SLC14A2: variants seen among roughly 807,000 people sequenced by gnomAD.
SLC14A2 encodes solute carrier family 14 member 2.
A neutral mutation model predicts 104.6 loss-of-function variants in SLC14A2; 91 were observed. The ratio of observed to expected loss-of-function variants is 0.87; its 90% CI spans 0.73 to 1.04. The LOEUF (loss-of-function observed/expected upper bound fraction) is 1.04. Ranked by LOEUF, SLC14A2 falls within the 50% of genes least tolerant of loss-of-function variation. SLC14A2 has a pLI of 0.00. For missense variants in SLC14A2, 1,189 were observed against 1,156.0 expected, an observed-to-expected ratio of 1.03 and a Z score of -0.41; for synonymous variants, 476 against 466.4, an observed-to-expected ratio of 1.02 and a Z score of -0.27.
intron 2 of SLC14A2, among the ~76,000 whole-genome samples, chr18:45,524,322 T>C (rs533697411): frequency 2.6e-5 from 4 of 152,328 alleles, no homozygotes; most frequent in South Asian, 4.1e-4. Flanking sequence ...TTTGTACTGA[T>C]GAGGTCCTCA....
At chr18:45,254,868 C>T (rs1327244174) in intron 1 of SLC14A2, among the ~76,000 whole-genome samples, 1 of 152,096 alleles carries the variant, frequency 6.6e-6, no homozygotes, top group Non-Finnish European at 1.5e-5. Context: ...CTGGGCTTTG[C>T]CAAACCAGAG....
chr18:45,351,063 AT>A (rs2085498530), intron 1 of SLC14A2, among the ~76,000 whole-genome samples: 1 of 151,618 alleles, frequency 6.6e-6, no homozygotes, highest in Non-Finnish European at 1.5e-5. Flanking sequence ...CTTCTTGATC[AT>A]TTTCTCTATG....
chr18:45,679,021 T>C lies in SLC14A2; in HGVS notation c.2559T>C (p.Ser853=). The C allele has an allele frequency of 1.2e-6, 2 of 1,612,584 alleles. No individual in the cohort carries two copies. ...GTGCTGCCCTGGCTAACATGTTATC[T>C]GTGGTGAGTCAACACAGGCTCAGAA... The part of the protein sequence containing the change: ...YLGAALANML[S]VFGLPPCTWP... Residue 853 remains serine (S), a synonymous_variant, in exon 19 of 20, where the codon TCT becomes TCC. Transcript: ENST00000255226.
chr18:45,420,155 C>T (rs1222003411), intron 1 of SLC14A2, among the ~76,000 whole-genome samples: 2 of 152,214 alleles, frequency 1.3e-5, no homozygotes, highest in Non-Finnish European at 2.9e-5. Context: ...AGCTCACTCA[C>T]ATGGCTGGAA....
chr18:45,367,033 G>A (rs997537790), intron 1 of SLC14A2, among the ~76,000 whole-genome samples: 1 of 152,178 alleles, frequency 6.6e-6, no homozygotes, highest in Non-Finnish European at 1.5e-5. Context: ...TTTAGCTGTG[G>A]GGCAGGCAAC....
chr18:45,555,791 G>A (rs1462507878), intron 2 of SLC14A2, among the ~76,000 whole-genome samples: 1 of 152,192 alleles, frequency 6.6e-6, no homozygotes, highest in East Asian at 1.9e-4. Context: ...CAAGGGCTGG[G>A]TAACATTAAA....
At chr18:45,469,867 A>T (rs2087214202) in intron 1 of SLC14A2, among the ~76,000 whole-genome samples, 1 of 152,226 alleles carries the variant, frequency 6.6e-6, no homozygotes, top group South Asian at 2.1e-4. Flanking sequence ...GGGACACATT[A>T]TAAAGGAACT....
intron 2 of SLC14A2, among the ~76,000 whole-genome samples, chr18:45,570,055 G>GAA (rs903755367): frequency 1.0e-3 from 157 of 152,274 alleles, no homozygotes; most frequent in African/African-American, 3.5e-3. Context: ...AGATAATCAG[G>GAA]AAAAAGTGTC....
intron 2 of SLC14A2, among the ~76,000 whole-genome samples, chr18:45,587,478 TC>T (rs986458798): frequency 3.9e-5 from 6 of 152,178 alleles, no homozygotes; most frequent in Non-Finnish European, 8.8e-5. Context: ...CTATTTTTTA[TC>T]CCATGAACCT....
chr18:45,330,317 G>T (rs2085276219), intron 1 of SLC14A2, among the ~76,000 whole-genome samples: 1 of 152,212 alleles, frequency 6.6e-6, no homozygotes, highest in Non-Finnish European at 1.5e-5. Flanking sequence ...TGTCCAGCTG[G>T]ACTTGAAATT....
chr18:45,215,468 G>A (rs9947161), intron 1 of SLC14A2, among the ~76,000 whole-genome samples: 1 of 152,076 alleles, frequency 6.6e-6, no homozygotes, highest in Non-Finnish European at 1.5e-5. Context: ...AAGGTTAAAT[G>A]AATTTTAAGA....
At chr18:45,290,194 C>A (rs2144164261) in intron 1 of SLC14A2, among the ~76,000 whole-genome samples, 1 of 152,214 alleles carries the variant, frequency 6.6e-6, no homozygotes, top group South Asian at 2.1e-4. Context: ...TGGGGTATGA[C>A]TGATTCTGTC....
chr18:45,279,742 G>A (rs1246162935), intron 1 of SLC14A2, among the ~76,000 whole-genome samples: 2 of 152,104 alleles, frequency 1.3e-5, no homozygotes, highest in East Asian at 1.9e-4. Context: ...CACAGCCTCT[G>A]CCTACCCTTA....
At chr18:45,206,600 A>G in the SLC14A2 span, among the ~76,000 whole-genome samples, 1 of 152,152 alleles carries the variant, frequency 6.6e-6, no homozygotes, top group Non-Finnish European at 1.5e-5. Flanking sequence ...ATAATTGAGC[A>G]TCTATTGCAA....
chr18:45,494,871 C>T (rs1027884615), intron 2 of SLC14A2, among the ~76,000 whole-genome samples: 1 of 150,984 alleles, frequency 6.6e-6, no homozygotes, highest in Non-Finnish European at 1.5e-5. Flanking sequence ...TCTAAGGAAG[C>T]CAGAGCTTTT....
intron 4 of SLC14A2, among the ~76,000 whole-genome samples, chr18:45,632,145 T>TTG (rs34666828): frequency 1.0e-3 from 115 of 113,674 alleles, no homozygotes; most frequent in Admixed American, 5.3e-3. Context: ...GTGTGTGTGT[T>TTG]TGTGTGTGTG....
At chr18:45,563,335 G>A (rs529958688) in intron 2 of SLC14A2, among the ~76,000 whole-genome samples, 3 of 152,194 alleles carry the variant, frequency 2.0e-5, no homozygotes, top group African/African-American at 7.2e-5. Context: ...GTAGGAACTG[G>A]GGGGAACATA....
intron 1 of SLC14A2, among the ~76,000 whole-genome samples, chr18:45,267,703 T>C (rs186529403): frequency 1.6e-3 from 240 of 152,250 alleles, no homozygotes; most frequent in Non-Finnish European, 2.8e-3. Context: ...ATTTATGTAA[T>C]GTGGAGGACA....
intron 1 of SLC14A2, among the ~76,000 whole-genome samples, chr18:45,321,802 A>T (rs142809896): frequency 2.8e-3 from 422 of 152,298 alleles, no homozygotes; most frequent in African/African-American, 9.8e-3. Context: ...TGCTGCAAAG[A>T]GCAGAGGGAC....
Sources: allele counts gnomAD v4.1 joint callset (sites outside exome capture counted in the v4.1 genomes callset), GRCh38; gene constraint gnomAD v4.1.1; transcripts MANE v1.5; gene names NCBI Gene and HGNC (gene_info 2026-07-23, HGNC 2026-07-21).